The following CACNA1B variants were observed in gnomAD, a reference collection of about 807,000 sequenced individuals.
CACNA1B encodes the protein calcium voltage-gated channel subunit alpha1 B.
CACNA1B carries 70 observed loss-of-function variants against 247.2 expected under a neutral mutation model. The ratio of observed to expected loss-of-function variants is 0.28; its 90% CI spans 0.23 to 0.35. The LOEUF is 0.35. Ranked by LOEUF, CACNA1B falls within the 10% of genes least tolerant of loss-of-function variation. The pLI is 1.00. For missense variants in CACNA1B, 2,367 were observed against 3,197.4 expected (o/e 0.74, Z 6.26); for synonymous variants, 1,231 against 1,294.4 (o/e 0.95, Z 1.05).
Position 137,986,084 on chromosome 9 carries a change from G to C in CACNA1B, c.1770-329G>C, listed in dbSNP as rs1958357916. 6.6e-6 allele frequency among the ~76,000 whole-genome samples: 1 copy of C among 152,202 alleles called. No homozygotes were observed. Among genetic ancestry groups the C allele is most frequent in the Admixed American group, 6.5e-5 (1 of 15,284 alleles). On this transcript the variant is annotated intron_variant, in intron 13 of 46. Coordinates refer to ENST00000371372, the MANE Select transcript of CACNA1B (RefSeq NM_000718.4). The surrounding 1 kb of genome is among the most constrained non-coding windows in gnomAD (Gnocchi z 6.0). The stretch of plus-strand genomic sequence containing the variant: ...GCTGACTGGGTGTTGAGGAGTGAGG[G>C]GCAGGGAGGGGCCGAGGATGAAGTT...
At position 137,881,090 on chromosome 9, in the gene CACNA1B, G is replaced by A. The variant is rs1402474575; in HGVS notation, c.391-1654G>A. Among the ~76,000 whole-genome samples the A allele has an allele frequency of 2.0e-5, 3 of 152,200 alleles. No individual in the cohort carries two copies. The highest frequency in any genetic ancestry group is 4.4e-5 in the Non-Finnish European group (3 of 68,018). On this transcript the variant is annotated intron_variant, in intron 2 of 46. Transcript: ENST00000371372. This position sits in a 1 kb window ranked among gnomAD's most constrained non-coding sequence, Gnocchi z 4.3. ...GGGTGCTGGCTGGTCCTTCCTAGGC[G>A]TCGGGCCTGTTCTCTTTTTCACCAG...
chr9:137,889,657 G>A (rs1308465570), intron 3 of CACNA1B, among the ~76,000 whole-genome samples: 1 of 145,628 alleles, frequency 6.9e-6, no homozygotes, highest in Non-Finnish European at 1.6e-5. Context: ...CTAGGACCCT[G>A]TGACCAAGCT....
At chr9:137,992,387 T>C (rs537138776) in intron 15 of CACNA1B, among the ~76,000 whole-genome samples, 3 of 152,242 alleles carry the variant, frequency 2.0e-5, no homozygotes, top group South Asian at 4.1e-4. Flanking sequence ...CAGGAAAATA[T>C]CATAATCCTA....
rs1047072480 is a variant in CACNA1B at position 138,059,271 on chromosome 9, A to G, written c.4584+82A>G. 1.6e-5 allele frequency: 12 copies of G among 773,564 alleles called. No homozygotes were observed. The highest frequency in any genetic ancestry group is 2.3e-5 in the Non-Finnish European group (10 of 440,200). The allele number at this position is 773,564 out of a possible 1,614,324, so 47.9% of individuals were successfully genotyped here. A position where few individuals can be genotyped will look rare whatever the true frequency, so the allele number is the denominator to read the frequency against. On this transcript the variant is annotated intron_variant, in intron 30 of 46. Coordinates refer to ENST00000371372, the MANE Select transcript of CACNA1B (RefSeq NM_000718.4). This position sits in a 1 kb window ranked among gnomAD's most constrained non-coding sequence, Gnocchi z 4.2. ...TGTAGGGCGACCTTTGGGGGCTCAC[A>G]ATTTGGAGCTGGGAATTCTCCGAGT...
At chr9:137,936,053 T>G (rs1226542511) in intron 6 of CACNA1B, among the ~76,000 whole-genome samples, 4 of 152,354 alleles carry the variant, frequency 2.6e-5, no homozygotes, top group Non-Finnish European at 5.9e-5. Context: ...GAGACGGGGT[T>G]TCACCGTGTT....
Position 138,118,093 on chromosome 9 carries a change from C to T in CACNA1B, c.5913+12C>T, listed in dbSNP as rs199966485. ...GGTCAGGAGCACTGGTGAGCACTCC[C>T]GGGGGCTAGTGAGACTGGGTTGGGG... is the stretch of plus-strand genomic sequence containing the variant. On this transcript the variant is annotated intron_variant, in intron 43 of 46. Coordinates refer to ENST00000371372, the MANE Select transcript of CACNA1B (RefSeq NM_000718.4). 365 of 1,185,760 alleles carry T rather than the reference C, an allele frequency of 3.1e-4. No homozygotes were observed. Among genetic ancestry groups the T allele is most frequent in the Non-Finnish European group, 3.6e-4 (337 of 935,336 alleles). The allele number at this position is 1,185,760 out of a possible 1,614,324, so 73.5% of individuals were successfully genotyped here.
At chr9:137,960,574 G>A (rs551146211) in intron 10 of CACNA1B, among the ~76,000 whole-genome samples, 6 of 151,996 alleles carry the variant, frequency 3.9e-5, no homozygotes, top group African/African-American at 1.4e-4. Context: ...TCGGCCTGAG[G>A]GACCTCTGGG....
At chr9:138,079,814 G>T (rs1171371876) in intron 36 of CACNA1B, among the ~76,000 whole-genome samples, 1 of 149,372 alleles carries the variant, frequency 6.7e-6, no homozygotes, top group Non-Finnish European at 1.5e-5. Flanking sequence ...GGTGGAGGTT[G>T]CAGTGAGCCA....
At chr9:137,982,078 G>C (rs982697786) in intron 12 of CACNA1B, among the ~76,000 whole-genome samples, 1 of 152,120 alleles carries the variant, frequency 6.6e-6, no homozygotes, top group Non-Finnish European at 1.5e-5. Flanking sequence ...TCCTGCTGGG[G>C]AACAAATTAT....
intron 10 of CACNA1B, among the ~76,000 whole-genome samples, chr9:137,962,750 CTG>C (rs935853530): frequency 2.0e-5 from 3 of 151,898 alleles, no homozygotes; most frequent in African/African-American, 4.8e-5. Context: ...GTCTTAGAGA[CTG>C]TTATTATTTC....
chr9:137,886,292 A>T (rs1957011001), intron 3 of CACNA1B, among the ~76,000 whole-genome samples: 2 of 151,460 alleles, frequency 1.3e-5, no homozygotes, highest in Admixed American at 1.3e-4. Context: ...CTCCAGCAAG[A>T]GCCCCACTGA....
chr9:138,035,758 T>G (rs1056328638), intron 20 of CACNA1B, among the ~76,000 whole-genome samples: 1 of 152,218 alleles, frequency 6.6e-6, no homozygotes, highest in Non-Finnish European at 1.5e-5. Context: ...TTCTACTTTG[T>G]GTATGTGTAC....
intron 8 of CACNA1B, among the ~76,000 whole-genome samples, chr9:137,956,544 G>A (rs1639286375): frequency 6.6e-6 from 1 of 152,096 alleles, no homozygotes; most frequent in Non-Finnish European, 1.5e-5. Flanking sequence ...TGTAATCCCA[G>A]TGGGGAGGCT....
chr9:138,053,708 C>G (rs554655665), intron 25 of CACNA1B, 138 bp from the exon 26 acceptor site: 3 of 452,294 alleles, frequency 6.6e-6, no homozygotes, highest in Non-Finnish European at 1.3e-5. Flanking sequence ...CATTCCCTTA[C>G]GGCCATGCCC....
intron 10 of CACNA1B, among the ~76,000 whole-genome samples, chr9:137,967,322 A>G (rs563293038): frequency 4.6e-5 from 7 of 152,148 alleles, no homozygotes; most frequent in African/African-American, 1.7e-4. Flanking sequence ...CAGCCTTTCC[A>G]GTACTTGCCC....
intron 11 of CACNA1B, among the ~76,000 whole-genome samples, chr9:137,975,118 GTC>G (rs1958203656): frequency 6.6e-6 from 1 of 152,104 alleles, no homozygotes; most frequent in African/African-American, 2.4e-5. Flanking sequence ...GTGAGCAAGA[GTC>G]TGTGTACCTT....
At chr9:138,047,511 T>C in intron 23 of CACNA1B, 53 bp downstream of exon 23, 1 of 1,265,426 alleles carries the variant, frequency 7.9e-7, no homozygotes, top group Non-Finnish European at 1.2e-6. Context: ...CCCTCCCTCA[T>C]GATTGAGATG....
rs1035191505 is a variant in CACNA1B at position 137,916,343 on chromosome 9, A to T, written c.776-898A>T. ...CCACCGTGCCTGGCCTGCATTTTTT[A>T]AAAATATTTTTTTTCGGCCTTTCAT... On this transcript the variant is annotated intron_variant, in intron 5 of 46. Transcript: ENST00000371372. Among the ~76,000 whole-genome samples, 79 of 152,112 alleles carry T rather than the reference A, an allele frequency of 5.2e-4. 1 individual carries two copies. The highest frequency in any genetic ancestry group is 7.9e-4 in the Non-Finnish European group (54 of 68,032).
At chr9:138,025,551 C>T (rs530165422) in intron 20 of CACNA1B, among the ~76,000 whole-genome samples, 5 of 152,330 alleles carry the variant, frequency 3.3e-5, no homozygotes, top group South Asian at 2.1e-4. Flanking sequence ...ACTCTGTCCA[C>T]GGCCTTGACT....
Sources: allele counts gnomAD v4.1 joint callset (sites outside exome capture counted in the v4.1 genomes callset), GRCh38; gene constraint gnomAD v4.1.1; non-coding constraint Gnocchi (gnomAD v3.1); transcripts MANE v1.5; gene names NCBI Gene and HGNC (gene_info 2026-07-23, HGNC 2026-07-21).